MTUS2: variants seen among roughly 807,000 people sequenced by gnomAD.
MTUS2 encodes the protein microtubule-associated tumor suppressor candidate 2.
A neutral mutation model predicts 114.1 loss-of-function variants in MTUS2; 40 were observed. The ratio of observed to expected loss-of-function variants is 0.35; its 90% CI spans 0.27 to 0.46. The LOEUF (loss-of-function observed/expected upper bound fraction) is 0.46. MTUS2 is among the 20% of genes least tolerant of loss of function. The pLI is 1.00. For missense variants in MTUS2, 1,679 were observed against 1,705.4 expected, an observed-to-expected ratio of 0.98 and a Z score of 0.27; for synonymous variants, 688 against 672.0, an observed-to-expected ratio of 1.02 and a Z score of -0.37.
At chr13:29,006,645 GAGAGGCCTGAC>G (rs1426420993) in intron 2 of MTUS2, among the ~76,000 whole-genome samples, 8 of 152,280 alleles carry the variant, frequency 5.3e-5, no homozygotes, top group Admixed American at 6.5e-5. Context: ...AAGGCATCCT[GAGAGGCCTGAC>G]AATAGGCAGG....
chr13:29,369,262 C>G (rs567554184), intron 8 of MTUS2, among the ~76,000 whole-genome samples: 1 of 152,244 alleles, frequency 6.6e-6, no homozygotes, highest in Admixed American at 6.5e-5. Flanking sequence ...CGTTTCAGCC[C>G]GTAGAGAAGC....
chr13:29,162,069 A>G (rs1221680063), intron 5 of MTUS2, among the ~76,000 whole-genome samples: 1 of 151,990 alleles, frequency 6.6e-6, no homozygotes, highest in African/African-American at 2.4e-5. Context: ...AAAATTTAGC[A>G]TCCCTCCAAT....
chr13:29,268,416 T>C (rs1668976666), intron 5 of MTUS2, among the ~76,000 whole-genome samples: 2 of 152,168 alleles, frequency 1.3e-5, no homozygotes, highest in African/African-American at 4.8e-5. Flanking sequence ...CGTTTTACTC[T>C]GTGTGTGTGA....
intron 8 of MTUS2, among the ~76,000 whole-genome samples, chr13:29,377,220 A>T (rs941954065): frequency 6.6e-6 from 1 of 152,190 alleles, no homozygotes; most frequent in Non-Finnish European, 1.5e-5. Context: ...ATTACCAAGG[A>T]TATGGAAGAA....
At chr13:29,269,991 G>A (rs7995428) in intron 5 of MTUS2, among the ~76,000 whole-genome samples, 55,511 of 151,924 alleles carry the variant, frequency 0.37, 10,609 homozygotes, top group East Asian at 0.45. Flanking sequence ...ACTACATGGG[G>A]TATCTAAAAA....
At chr13:29,119,728 A>G (rs1891231190) in intron 5 of MTUS2, among the ~76,000 whole-genome samples, 1 of 152,150 alleles carries the variant, frequency 6.6e-6, no homozygotes, top group African/African-American at 2.4e-5. Context: ...TATCCCATTC[A>G]GGCCCTTAAA....
intron 4 of MTUS2, among the ~76,000 whole-genome samples, chr13:29,065,829 C>G (rs1888638844): frequency 6.6e-6 from 1 of 152,106 alleles, no homozygotes; most frequent in African/African-American, 2.4e-5. Context: ...AATAGCAGAA[C>G]ATAAAGCACT....
chr13:28,891,941 A>C (rs1036853264), intron 2 of MTUS2, among the ~76,000 whole-genome samples: 3 of 150,490 alleles, frequency 2.0e-5, no homozygotes, highest in Non-Finnish European at 4.4e-5. Context: ...GATATACTCT[A>C]TTTGGTCTAG....
intron 2 of MTUS2, among the ~76,000 whole-genome samples, chr13:28,952,026 G>A (rs933177421): frequency 1.3e-5 from 2 of 152,142 alleles, no homozygotes; most frequent in African/African-American, 4.8e-5. Context: ...AAGTGCACCA[G>A]TGGCAAATGC....
intron 4 of MTUS2, among the ~76,000 whole-genome samples, chr13:29,063,295 C>T (rs1008059017): frequency 6.6e-6 from 1 of 152,050 alleles, no homozygotes; most frequent in Non-Finnish European, 1.5e-5. Flanking sequence ...GTAATTTGTG[C>T]ATATGGTAAA....
chr13:29,036,161 GA>G (rs1347955598), intron 4 of MTUS2, among the ~76,000 whole-genome samples: 3 of 125,982 alleles, frequency 2.4e-5, no homozygotes, highest in African/African-American at 9.4e-5. Context: ...AAAAAAGAAA[GA>G]AAAATAAAAG....
rs577752360 is a variant in MTUS2, at chr13:29,142,620, C to T, written c.2644+41650C>T. 5.3e-5 allele frequency among the ~76,000 whole-genome samples: 8 copies of T among 152,196 alleles called. No individual in the cohort carries two copies. In the South Asian group the frequency reaches 8.3e-4, roughly 16 times the overall value. On this transcript the variant is annotated intron_variant, in intron 5 of 15. Coordinates refer to ENST00000612955, the MANE Select transcript of MTUS2 (RefSeq NM_001033602.4). ...ACTCAGGAGGCTGAGGCAGGAGAAT[C>T]GCTTGAACCTGGGATGCAGAGGTCG... is the stretch of plus-strand genomic sequence containing the variant.
At chr13:29,409,850 G>A (rs1390731277) in intron 8 of MTUS2, among the ~76,000 whole-genome samples, 1 of 148,610 alleles carries the variant, frequency 6.7e-6, no homozygotes, top group Non-Finnish European at 1.5e-5. Flanking sequence ...TATACCATAA[G>A]TTGTTGGACC....
At chr13:28,896,845 C>A (rs1566205640) in intron 2 of MTUS2, among the ~76,000 whole-genome samples, 1 of 152,162 alleles carries the variant, frequency 6.6e-6, no homozygotes. Flanking sequence ...GACTGGCTAG[C>A]CTTATGTAGA....
At chr13:28,992,817 A>G (rs753645242) in intron 2 of MTUS2, among the ~76,000 whole-genome samples, 11 of 152,162 alleles carry the variant, frequency 7.2e-5, no homozygotes, top group Non-Finnish European at 1.5e-4. Context: ...ACATTGAACC[A>G]TCACCACCAT....
At chr13:28,880,973 T>C (rs1264722734) in intron 2 of MTUS2, among the ~76,000 whole-genome samples, 1 of 152,208 alleles carries the variant, frequency 6.6e-6, no homozygotes, top group Non-Finnish European at 1.5e-5. Flanking sequence ...ATCACCAAGA[T>C]ACTTTTGTTT....
At chr13:29,028,486 C>T (rs1223504780) in intron 3 of MTUS2, among the ~76,000 whole-genome samples, 1 of 151,954 alleles carries the variant, frequency 6.6e-6, no homozygotes, top group African/African-American at 2.4e-5. Context: ...CCGTCAGCTA[C>T]CTGCCCTCCT....
chr13:29,144,054 A>C (rs1002342808), intron 5 of MTUS2, among the ~76,000 whole-genome samples: 3 of 152,228 alleles, frequency 2.0e-5, no homozygotes, highest in African/African-American at 7.2e-5. Flanking sequence ...GTTGTGCTAA[A>C]CAGCAGGGTG....
At chr13:29,462,728 G>T (rs1879595254) in intron 9 of MTUS2, among the ~76,000 whole-genome samples, 1 of 152,138 alleles carries the variant, frequency 6.6e-6, no homozygotes, top group African/African-American at 2.4e-5. Context: ...AAGGAAGGCT[G>T]TGCTTTTGTG....
Sources: gnomAD v4.1 joint callset for allele counts (sites outside exome capture counted in the v4.1 genomes callset) on GRCh38, gnomAD v4.1.1 for gene constraint, MANE v1.5 for transcripts, NCBI Gene and HGNC (gene_info 2026-07-23, HGNC 2026-07-21) for gene names.